Variants in GMDS observed in about 807,000 individuals in gnomAD.
GMDS encodes GDP-mannose 4,6 dehydratase.
GMDS carries 20 observed loss-of-function variants against 49.9 expected under a neutral mutation model. The ratio of observed to expected loss-of-function variants is 0.40; its 90% confidence interval spans 0.28 to 0.58. GMDS has a LOEUF of 0.58. Among genes scored for constraint, GMDS ranks in the 20% least tolerant of loss-of-function variants. The pLI is 0.42. For synonymous variants in GMDS, 177 were observed against 178.6 expected, an observed-to-expected ratio of 0.99 and a Z score of 0.07; for missense variants, 362 against 481.4, an observed-to-expected ratio of 0.75 and a Z score of 2.32.
intron 4 of GMDS, among the ~76,000 whole-genome samples, chr6:2,093,961 T>C (rs1773457829): frequency 1.3e-5 from 2 of 152,212 alleles, no homozygotes; most frequent in Middle Eastern, 3.2e-3. Flanking sequence ...AACAATCCTG[T>C]GATAATTTCC....
At chr6:1,667,886 G>T (rs1350474581) in intron 9 of GMDS, among the ~76,000 whole-genome samples, 2 of 151,894 alleles carry the variant, frequency 1.3e-5, no homozygotes, top group African/African-American at 4.8e-5. Context: ...TTACTGTCCT[G>T]GTTAAGTTTC....
At chr6:1,764,392 C>T (rs1371830569) in intron 7 of GMDS, among the ~76,000 whole-genome samples, 1 of 152,130 alleles carries the variant, frequency 6.6e-6, no homozygotes, top group Admixed American at 6.5e-5. Context: ...AAAGGATAGT[C>T]TTAATATCAT....
chr6:2,097,450 G>A (rs1773672517), intron 4 of GMDS, among the ~76,000 whole-genome samples: 1 of 152,118 alleles, frequency 6.6e-6, no homozygotes. Flanking sequence ...CAGCTAAAAC[G>A]ACGAGGGGTG....
At position 1,748,666 on chromosome 6, in the gene GMDS, C is replaced by T. The variant is rs539941885; in HGVS notation, c.772-6080G>A. Among the ~76,000 whole-genome samples, 17 of 152,314 alleles carry T rather than the reference C, an allele frequency of 1.1e-4. No individual in the cohort carries two copies. In the South Asian group the frequency reaches 2.3e-3, roughly 20 times the overall value. ...GAACCACATGGTCTCTGTTTCTCTG[C>T]TGTTGCAGCACAAAACAGCCATGGA... is the stretch of plus-strand genomic sequence containing the variant. On this transcript the variant is annotated intron_variant, in intron 7 of 10. Coordinates refer to ENST00000380815, the MANE Select transcript of GMDS (RefSeq NM_001500.4).
At chr6:1,783,626 T>C (rs987759303) in intron 7 of GMDS, among the ~76,000 whole-genome samples, 1 of 152,242 alleles carries the variant, frequency 6.6e-6, no homozygotes, top group Non-Finnish European at 1.5e-5. Context: ...CTTTCCTTGT[T>C]CCTTAGGAGA....
At chr6:1,708,297 C>T (rs1017532765) in intron 9 of GMDS, among the ~76,000 whole-genome samples, 1 of 152,224 alleles carries the variant, frequency 6.6e-6, no homozygotes, top group African/African-American at 2.4e-5. Flanking sequence ...AGACGTCACT[C>T]CTTTGCAAGG....
chr6:1,664,913 T>C (rs1269117313), intron 9 of GMDS, among the ~76,000 whole-genome samples: 3 of 152,202 alleles, frequency 2.0e-5, no homozygotes, highest in Non-Finnish European at 4.4e-5. Flanking sequence ...GTCACTATTG[T>C]TCACCAGGAT....
chr6:1,935,638 T>A (rs1475350081), intron 6 of GMDS, among the ~76,000 whole-genome samples: 1 of 152,196 alleles, frequency 6.6e-6, no homozygotes, highest in Non-Finnish European at 1.5e-5. Flanking sequence ...AATAAACATT[T>A]CTTGAATGAC....
intron 7 of GMDS, among the ~76,000 whole-genome samples, chr6:1,793,465 T>C (rs1581188519): frequency 6.6e-6 from 1 of 152,336 alleles, no homozygotes; most frequent in Non-Finnish European, 1.5e-5. Flanking sequence ...AAGAAGTTCA[T>C]GAACAAAAAT....
chr6:1,944,843 T>C (rs1385417541), intron 6 of GMDS, among the ~76,000 whole-genome samples: 1 of 152,202 alleles, frequency 6.6e-6, no homozygotes, highest in Non-Finnish European at 1.5e-5. Flanking sequence ...CATAAAATGA[T>C]GCAATCATGT....
chr6:2,168,508 T>C (rs1399232921), intron 1 of GMDS, among the ~76,000 whole-genome samples: 1 of 152,208 alleles, frequency 6.6e-6, no homozygotes, highest in East Asian at 1.9e-4. Context: ...CACAAATCAA[T>C]ATTAAATAAC....
chr6:1,677,871 A>G (rs923047789), intron 9 of GMDS, among the ~76,000 whole-genome samples: 14 of 152,026 alleles, frequency 9.2e-5, no homozygotes, highest in Non-Finnish European at 1.8e-4. Flanking sequence ...GGTACAACAC[A>G]CCAACATGGC....
intron 4 of GMDS, among the ~76,000 whole-genome samples, chr6:2,000,977 T>C (rs1485145205): frequency 6.6e-6 from 1 of 152,248 alleles, no homozygotes; most frequent in African/African-American, 2.4e-5. Context: ...TAAGTTTTTG[T>C]GTGGACCTAT....
intron 4 of GMDS, among the ~76,000 whole-genome samples, chr6:2,066,524 T>C (rs917204194): frequency 1.3e-5 from 2 of 151,806 alleles, no homozygotes; most frequent in Admixed American, 6.6e-5. Flanking sequence ...AGGAAACCCA[T>C]CTCATGTGCA....
chr6:2,167,440 C>T (rs1313231949), intron 1 of GMDS, among the ~76,000 whole-genome samples: 1 of 152,164 alleles, frequency 6.6e-6, no homozygotes, highest in Non-Finnish European at 1.5e-5. Flanking sequence ...ATTTCCCTCT[C>T]CAATTCATTG....
chr6:2,227,085 T>TC (rs1780846840), intron 1 of GMDS, among the ~76,000 whole-genome samples: 2 of 152,110 alleles, frequency 1.3e-5, no homozygotes, highest in African/African-American at 2.4e-5. Flanking sequence ...GTTGTTTTTT[T>TC]TCCCCCTGAA....
intron 6 of GMDS, among the ~76,000 whole-genome samples, chr6:1,937,329 TTC>T (rs1226961585): frequency 1.4e-4 from 22 of 152,356 alleles, no homozygotes; most frequent in Non-Finnish European, 1.5e-5. Flanking sequence ...AGCTTCAACA[TTC>T]TGTTACATTA....
chr6:1,987,504 G>C (rs983756629), intron 4 of GMDS, among the ~76,000 whole-genome samples: 2 of 152,110 alleles, frequency 1.3e-5, no homozygotes, highest in South Asian at 4.1e-4. Context: ...TAAGGCCCTG[G>C]AACTGTTCTA....
In GMDS at chr6:2,115,789, T is replaced by G. The variant is rs757740530; in HGVS notation, c.327A>C (p.Gly109=). 22 of 1,589,252 alleles carry G rather than the reference T, an allele frequency of 1.4e-5. No homozygotes were observed. In the Admixed American group the frequency reaches 3.5e-4, roughly 25 times the overall value. The change falls in exon 4 of 11, where the codon GGA becomes GGC. Residue 109 remains glycine (G), a synonymous_variant. Coordinates refer to ENST00000380815, the MANE Select transcript of GMDS (RefSeq NM_001500.4). The part of the protein sequence containing the change: ...EVKPTEIYNL[G]AQSHVKISFD... ...TGCTTACTTTGACGTGGCTCTGGGCTCCAAGGTTGTAGATCTCTGTGGGCT... is the reference window on the plus strand; with the variant it reads ...TGCTTACTTTGACGTGGCTCTGGGCGCCAAGGTTGTAGATCTCTGTGGGCT...
Sources: allele counts gnomAD v4.1 joint callset (sites outside exome capture counted in the v4.1 genomes callset), GRCh38; gene constraint gnomAD v4.1.1; transcripts MANE v1.5; gene names NCBI Gene and HGNC (gene_info 2026-07-23, HGNC 2026-07-21).